GPBP1: variants seen among roughly 807,000 people sequenced by gnomAD.
The protein encoded by GPBP1 is GC-rich promoter binding protein 1.
Under a neutral mutation model 56.5 loss-of-function variants are expected in GPBP1, and 13 were observed. The observed-to-expected ratio is 0.23, with a 90% confidence interval of 0.15 to 0.37. The LOEUF (loss-of-function observed/expected upper bound fraction) is 0.37, where lower values mean the gene tolerates loss of function less well. Among genes scored for constraint, GPBP1 ranks in the 10% least tolerant of loss-of-function variants. The pLI, the probability that GPBP1 is intolerant of heterozygous loss-of-function variation, is 1.00. For missense variants in GPBP1, 477 were observed against 572.3 expected (o/e 0.83, Z 1.70); for synonymous variants, 204 against 188.9 (o/e 1.08, Z -0.66).
chr5:57,183,186 C>G (rs1445254559), intron 2 of GPBP1, among the ~76,000 whole-genome samples: 1 of 151,606 alleles, frequency 6.6e-6, no homozygotes, highest in East Asian at 1.9e-4. Context: ...ACCAACATGG[C>G]GAAACCCCGT....
In GPBP1 at chr5:57,231,340, T is replaced by C. The variant is rs539091644; in HGVS notation, c.411+19T>C. On this transcript the variant is annotated intron_variant, in intron 5 of 11. Coordinates refer to ENST00000506184, the MANE Select transcript of GPBP1 (RefSeq NM_022913.4). Reference sequence around the variant, plus strand: ...GGATTTTGTAAGTTTTTTATGACTTTTATACAAATGAAGTTTCTGTAAGTG... The same window carrying C: ...GGATTTTGTAAGTTTTTTATGACTTCTATACAAATGAAGTTTCTGTAAGTG... 39 of 1,585,350 alleles carry C rather than the reference T, an allele frequency of 2.5e-5. No homozygotes were observed. The East Asian group carries it at 8.7e-4, about 35-fold the overall frequency.
intron 6 of GPBP1, among the ~76,000 whole-genome samples, chr5:57,239,342 TTA>T (rs1483902619): frequency 1.3e-5 from 2 of 152,224 alleles, no homozygotes; most frequent in East Asian, 3.8e-4. Context: ...AGCATGTTCT[TTA>T]TATGAATAAC....
In GPBP1 at chr5:57,249,575, A is replaced by C; in HGVS notation, c.971A>C (p.Lys324Thr). 1 of 1,599,248 alleles carries C rather than the reference A, an allele frequency of 6.3e-7. No individual in the cohort carries two copies. The highest frequency in any genetic ancestry group is 8.5e-7 in the Non-Finnish European group (1 of 1,174,988). ...HEDESRAGSEKDDDSFNLHNS... is the reference protein window; with the variant it reads ...HEDESRAGSETDDDSFNLHNS... ...GATGAAAGCCGTGCTGGCTCAGAGA[A>C]GGTAATTGAATTTATAGCAATACTT... The change falls in exon 9 of 12, where the codon AAG becomes ACG. Residue 324 changes from lysine (K) to threonine (T), a missense_variant and splice_region_variant. Around this residue, in one of 2 missense-constraint regions of GPBP1, gnomAD observed 414 missense variants for 458.2 expected, o/e 0.90. Coordinates refer to ENST00000506184, the MANE Select transcript of GPBP1 (RefSeq NM_022913.4).
intron 2 of GPBP1, among the ~76,000 whole-genome samples, chr5:57,186,013 A>G (rs1754270083): frequency 1.3e-5 from 2 of 151,832 alleles, no homozygotes; most frequent in African/African-American, 4.8e-5. Flanking sequence ...TTCTTCATGT[A>G]TTTTGGATAC....
intron 2 of GPBP1, among the ~76,000 whole-genome samples, chr5:57,180,978 G>T (rs538377627): frequency 6.6e-6 from 1 of 152,262 alleles, no homozygotes; most frequent in South Asian, 2.1e-4. Flanking sequence ...CTGATCTCAG[G>T]TGATCCACCC....
At chr5:57,201,071 T>G (rs1314767094) in intron 2 of GPBP1, among the ~76,000 whole-genome samples, 1 of 151,172 alleles carries the variant, frequency 6.6e-6, no homozygotes. Context: ...TAATCTGCCC[T>G]CCTCGGCCTC....
At position 57,214,171 on chromosome 5, in the gene GPBP1, C is replaced by A; in HGVS notation, c.41C>A (p.Pro14His). The A allele has an allele frequency of 6.2e-7, 1 of 1,613,664 alleles. No individual in the cohort carries two copies. The highest frequency in any genetic ancestry group is 8.5e-7 in the Non-Finnish European group (1 of 1,179,546). Residue 14 changes from proline to histidine, a missense_variant, in exon 3 of 12, where the codon CCT becomes CAT. By Grantham distance (77) the Pro-to-His change is moderately conservative. Around this residue, in one of 2 missense-constraint regions of GPBP1, gnomAD observed 414 missense variants for 458.2 expected, o/e 0.90. Transcript: ENST00000506184. ...TTTGCTCCAGCCTGGCTTAATTTCCCTACTCCACCATCATCAACAAAGGTA... is the reference window on the plus strand; with the variant it reads ...TTTGCTCCAGCCTGGCTTAATTTCCATACTCCACCATCATCAACAAAGGTA... ...HDFAPAWLNF[P>H]TPPSSTKSSL...
At chr5:57,193,395 T>A (rs1754611687) in intron 2 of GPBP1, among the ~76,000 whole-genome samples, 1 of 151,874 alleles carries the variant, frequency 6.6e-6, no homozygotes, top group African/African-American at 2.4e-5. Context: ...AGGAGATCAC[T>A]TGAGTTCAGG....
At chr5:57,219,412 AAACAAAC>A (rs1561348424) in intron 3 of GPBP1, among the ~76,000 whole-genome samples, 7 of 59,796 alleles carry the variant, frequency 1.2e-4, no homozygotes, top group African/African-American at 3.8e-4. Flanking sequence ...AACCAAAAAC[AAACAAAC>A]AAAAAAAAAA....
intron 2 of GPBP1, among the ~76,000 whole-genome samples, chr5:57,207,440 G>A (rs1329060886): frequency 6.6e-6 from 1 of 152,132 alleles, no homozygotes; most frequent in Non-Finnish European, 1.5e-5. Flanking sequence ...AATCTCTAGG[G>A]AGAGCATGCA....
At chr5:57,212,097 C>G (rs1029916657) in intron 2 of GPBP1, among the ~76,000 whole-genome samples, 1 of 151,892 alleles carries the variant, frequency 6.6e-6, no homozygotes, top group Non-Finnish European at 1.5e-5. Flanking sequence ...CCACCGTGCC[C>G]TGCTAATTTT....
At chr5:57,200,755 C>T (rs1754980652) in intron 2 of GPBP1, among the ~76,000 whole-genome samples, 1 of 152,096 alleles carries the variant, frequency 6.6e-6, no homozygotes, top group African/African-American at 2.4e-5. Flanking sequence ...GATCTCCGCT[C>T]ACTGCAAGCT....
intron 2 of GPBP1, among the ~76,000 whole-genome samples, chr5:57,189,985 T>G (rs1754448926): frequency 6.6e-6 from 1 of 152,218 alleles, no homozygotes; most frequent in Non-Finnish European, 1.5e-5. Flanking sequence ...TCTCTTATTA[T>G]TCTATATTAT....
chr5:57,208,137 C>G (rs1468568105), intron 2 of GPBP1, among the ~76,000 whole-genome samples: 1 of 152,148 alleles, frequency 6.6e-6, no homozygotes, highest in Non-Finnish European at 1.5e-5. Context: ...CTTCCCTTCC[C>G]AGCGCTTGCC....
chr5:57,246,403 TC>T lies in GPBP1; in HGVS notation c.584del (p.Pro195ArgfsTer17). Reference protein sequence around the residue: ...LSGFPVVGNLPSQPVKNGTGP... With the variant: ...LSGFPVVGNLXSQPVKNGTGP... ...CTGGATTCCCAGTAGTAGGAAATCT[TC>T]CGTCACAGCCAGTTAAGAATGGAAC... On this transcript the variant is annotated frameshift_variant, in exon 7 of 12. Coordinates refer to ENST00000506184, the MANE Select transcript of GPBP1 (RefSeq NM_022913.4). LOFTEE classifies it high-confidence loss of function. 1.2e-6 allele frequency: 2 copies of T among 1,613,992 alleles called. No homozygotes were observed. The highest frequency in any genetic ancestry group is 1.7e-6 in the Non-Finnish European group (2 of 1,179,900).
At chr5:57,254,043 A>G (rs1231964777) in intron 10 of GPBP1, among the ~76,000 whole-genome samples, 1 of 152,214 alleles carries the variant, frequency 6.6e-6, no homozygotes, top group Non-Finnish European at 1.5e-5. Context: ...CTCCTGCCTC[A>G]GCCATTGGAA....
chr5:57,210,794 T>G (rs1580009854), intron 2 of GPBP1, among the ~76,000 whole-genome samples: 1 of 152,190 alleles, frequency 6.6e-6, no homozygotes, highest in East Asian at 1.9e-4. Context: ...CTCTTTGGCT[T>G]GTAAATGACT....
chr5:57,177,553 A>G (rs1331927337), intron 2 of GPBP1, among the ~76,000 whole-genome samples: 1 of 151,250 alleles, frequency 6.6e-6, no homozygotes, highest in Non-Finnish European at 1.5e-5. Flanking sequence ...GGCTCACTGC[A>G]GCCTCCGCCT....
chr5:57,251,248 A>G, intron 10 of GPBP1, 107 bp downstream of exon 10: 1 of 947,000 alleles, frequency 1.1e-6, no homozygotes. Context: ...AACTTACGCC[A>G]TAAATTTCAC....
Sources: gnomAD v4.1 joint callset for allele counts (sites outside exome capture counted in the v4.1 genomes callset) on GRCh38, gnomAD v4.1.1 for gene constraint, gnomAD v4.1.1 regional missense constraint, MANE v1.5 for transcripts, NCBI Gene and HGNC (gene_info 2026-07-23, HGNC 2026-07-21) for gene names.